Variants in CHN1 observed in about 807,000 individuals in gnomAD.
The protein encoded by CHN1 is chimerin 1.
A neutral mutation model predicts 59.5 loss-of-function variants in CHN1; 37 were observed. The observed-to-expected ratio is 0.62, with a 90% CI of 0.48 to 0.82. The LOEUF (loss-of-function observed/expected upper bound fraction) is 0.82, where lower values mean the gene tolerates loss of function less well. CHN1 is among the 40% of genes least tolerant of loss of function. The pLI is 0.00. For missense variants in CHN1, 469 were observed against 571.0 expected, an observed-to-expected ratio of 0.82 and a Z score of 1.82; for synonymous variants, 206 against 200.4, an observed-to-expected ratio of 1.03 and a Z score of -0.24.
At chr2:174,950,543 T>C (rs1409674995) in intron 2 of CHN1, among the ~76,000 whole-genome samples, 1 of 151,994 alleles carries the variant, frequency 6.6e-6, no homozygotes, top group Non-Finnish European at 1.5e-5. Context: ...ATTACATAAA[T>C]GCCATATTTT....
chr2:174,859,756 T>C (rs1343927332), intron 6 of CHN1, among the ~76,000 whole-genome samples: 5 of 152,140 alleles, frequency 3.3e-5, no homozygotes, highest in Non-Finnish European at 7.4e-5. Context: ...TACTCTACTG[T>C]GCTTGCCTGA....
chr2:174,984,366 C>CTTTTT (rs397986749), intron 1 of CHN1, among the ~76,000 whole-genome samples: 5 of 117,180 alleles, frequency 4.3e-5, no homozygotes, highest in African/African-American at 9.9e-5. Flanking sequence ...GTTTTATAAG[C>CTTTTT]TTTTTTTTTT....
chr2:174,894,533 G>A (rs536182624), intron 5 of CHN1, among the ~76,000 whole-genome samples: 2 of 152,132 alleles, frequency 1.3e-5, no homozygotes, highest in East Asian at 3.9e-4. Context: ...ACTGGAAAAC[G>A]GTGAAAAACA....
At position 174,878,135 on chromosome 2, in the gene CHN1, C is replaced by A; in HGVS notation, c.261-7G>T. On this transcript the variant is annotated splice_region_variant and splice_polypyrimidine_tract_variant and intron_variant, in intron 5 of 12. Coordinates refer to ENST00000409900, the MANE Select transcript of CHN1 (RefSeq NM_001822.7). ...TCTGGTTTGACTTCCAAATCTGCCT[C>A]AATGAAATGGGAAAGATGTTTTTAA... 1.2e-5 allele frequency: 18 copies of A among 1,497,626 alleles called. No individual in the cohort carries two copies. The highest frequency in any genetic ancestry group is 7.3e-5 in the South Asian group (5 of 68,444). 92.8% of individuals were successfully genotyped at this position (1,497,626 alleles called of 1,614,324 possible). A position where few individuals can be genotyped will look rare whatever the true frequency, so the allele number is the denominator to read the frequency against.
intron 1 of CHN1, among the ~76,000 whole-genome samples, chr2:174,974,316 G>A (rs1405550075): frequency 1.3e-5 from 2 of 152,142 alleles, no homozygotes; most frequent in East Asian, 1.9e-4. Flanking sequence ...TGAAAATATC[G>A]TCTGCATGCT....
Position 174,915,057 on chromosome 2 carries a change from C to T in CHN1, c.260+1G>A. The stretch of plus-strand genomic sequence containing the variant: ...GTAGTAATTGCAGGCCCATGACCAA[C>T]CTTAAAGCCAAAGTGTAGGTCCCTG... On this transcript the variant is annotated splice_donor_variant, in intron 5 of 12. Transcript: ENST00000409900. LOFTEE classifies it high-confidence loss of function. 6.2e-7 allele frequency: 1 copy of T among 1,604,754 alleles called. No homozygotes were observed. Among genetic ancestry groups the T allele is most frequent in the Non-Finnish European group, 8.5e-7 (1 of 1,174,274 alleles).
intron 6 of CHN1, among the ~76,000 whole-genome samples, chr2:174,868,549 T>A (rs1443461320): frequency 6.6e-6 from 1 of 152,196 alleles, no homozygotes; most frequent in Non-Finnish European, 1.5e-5. Flanking sequence ...TAATTTAATC[T>A]TTTTAAAAGA....
At chr2:174,821,842 C>T in intron 8 of CHN1, 3 of 361,756 alleles carry the variant, frequency 8.3e-6, no homozygotes, top group Non-Finnish European at 1.7e-5. Flanking sequence ...GTCATAGCAA[C>T]CCAAAACTCC....
At chr2:174,971,725 G>A (rs553808541) in intron 1 of CHN1, among the ~76,000 whole-genome samples, 2 of 152,306 alleles carry the variant, frequency 1.3e-5, no homozygotes, top group African/African-American at 4.8e-5. Flanking sequence ...GTCACAAGGA[G>A]CAGAGCCAGT....
chr2:174,967,717 C>T (rs1690637934), intron 1 of CHN1, among the ~76,000 whole-genome samples: 1 of 152,154 alleles, frequency 6.6e-6, no homozygotes, highest in Non-Finnish European at 1.5e-5. Context: ...ATTCAGTGGT[C>T]TCAGATAACC....
intron 1 of CHN1, among the ~76,000 whole-genome samples, chr2:174,958,956 T>G (rs1690309213): frequency 6.6e-6 from 1 of 152,164 alleles, no homozygotes; most frequent in Non-Finnish European, 1.5e-5. Context: ...AAGACATTAT[T>G]CAAGATGCTA....
At chr2:174,906,636 G>A (rs1688551878) in intron 5 of CHN1, among the ~76,000 whole-genome samples, 2 of 150,350 alleles carry the variant, frequency 1.3e-5, no homozygotes, top group South Asian at 2.1e-4. Context: ...ATGAGAACAT[G>A]CAAAAGCCAT....
chr2:174,915,284 G>A, intron 4 of CHN1, 113 bp from the exon 5 acceptor site: 1 of 797,636 alleles, frequency 1.3e-6, no homozygotes, highest in Non-Finnish European at 2.1e-6. Flanking sequence ...ACAAAGTACT[G>A]CCACATAATG....
At chr2:174,918,246 A>G (rs1332332507) in intron 4 of CHN1, among the ~76,000 whole-genome samples, 1 of 152,158 alleles carries the variant, frequency 6.6e-6, no homozygotes, top group Non-Finnish European at 1.5e-5. Context: ...TATGTACACA[A>G]AAACACAAAT....
At chr2:174,807,869 T>G (rs1684948294) in intron 11 of CHN1, among the ~76,000 whole-genome samples, 1 of 152,212 alleles carries the variant, frequency 6.6e-6, no homozygotes, top group Non-Finnish European at 1.5e-5. Flanking sequence ...GGAAGTGATG[T>G]TATCATCTAA....
At chr2:174,812,238 A>G (rs898952630) in intron 9 of CHN1, 71 bp downstream of exon 9, 19 of 1,339,978 alleles carry the variant, frequency 1.4e-5, no homozygotes, top group Non-Finnish European at 1.7e-5. Context: ...GCAATGAGGT[A>G]CCCAAAAGGC....
intron 1 of CHN1, among the ~76,000 whole-genome samples, chr2:174,953,967 G>C (rs1311346855): frequency 1.3e-5 from 2 of 151,956 alleles, no homozygotes; most frequent in African/African-American, 2.4e-5. Context: ...GGAACCAAAA[G>C]AGAGCCTGCA....
intron 6 of CHN1, among the ~76,000 whole-genome samples, chr2:174,848,358 G>A (rs957523447): frequency 6.6e-6 from 1 of 151,120 alleles, no homozygotes; most frequent in African/African-American, 2.4e-5. Context: ...AAACGGGGTG[G>A]CTAGGTGAGA....
At chr2:174,972,742 G>A (rs898092994) in intron 1 of CHN1, among the ~76,000 whole-genome samples, 11 of 152,136 alleles carry the variant, frequency 7.2e-5, no homozygotes, top group Non-Finnish European at 1.6e-4. Context: ...AAGGCTAAGC[G>A]TTATCACGTA....
Sources: allele counts gnomAD v4.1 joint callset (sites outside exome capture counted in the v4.1 genomes callset), GRCh38; gene constraint gnomAD v4.1.1; transcripts MANE v1.5; gene names NCBI Gene and HGNC (gene_info 2026-07-23, HGNC 2026-07-21).